The following SNTG1 variants were observed in gnomAD, a reference collection of about 807,000 sequenced individuals.
The protein encoded by SNTG1 is gamma-1-syntrophin.
A neutral mutation model predicts 74.7 loss-of-function variants in SNTG1; 39 were observed. That is an observed-to-expected ratio of 0.52 (90% confidence interval 0.40 to 0.68). The LOEUF (loss-of-function observed/expected upper bound fraction) is 0.68, where lower values mean the gene tolerates loss of function less well. Ranked by LOEUF, SNTG1 falls within the 30% of genes least tolerant of loss-of-function variation. The pLI is 0.00. For synonymous variants in SNTG1, 254 were observed against 217.1 expected (o/e 1.17, Z -1.49); for missense variants, 685 against 609.5 (o/e 1.12, Z -1.30).
chr8:49,962,307 TG>T (rs971391806), intron 1 of SNTG1, among the ~76,000 whole-genome samples: 1 of 149,562 alleles, frequency 6.7e-6, no homozygotes, highest in Non-Finnish European at 1.5e-5. Context: ...GGTTCTTTTT[TG>T]GGGGGCGGGT....
At chr8:49,932,566 G>A (rs772629310) in intron 1 of SNTG1, among the ~76,000 whole-genome samples, 22 of 151,284 alleles carry the variant, frequency 1.5e-4, no homozygotes, top group Non-Finnish European at 2.5e-4. Flanking sequence ...TAGTCAGAAC[G>A]TATTTAATGA....
chr8:50,203,349 C>T (rs1447054614), intron 2 of SNTG1, among the ~76,000 whole-genome samples: 1 of 152,160 alleles, frequency 6.6e-6, no homozygotes, highest in Non-Finnish European at 1.5e-5. Context: ...CCAGGTAAGA[C>T]AATCTCAGCT....
intron 2 of SNTG1, among the ~76,000 whole-genome samples, chr8:50,388,416 C>T (rs1447945409): frequency 6.6e-6 from 1 of 152,088 alleles, no homozygotes; most frequent in Non-Finnish European, 1.5e-5. Flanking sequence ...CTTGTTAATA[C>T]TGGAAATAGA....
chr8:50,475,558 A>G (rs555565491), intron 8 of SNTG1, among the ~76,000 whole-genome samples: 4 of 152,280 alleles, frequency 2.6e-5, no homozygotes, highest in East Asian at 1.9e-4. Flanking sequence ...TTCGCATGCT[A>G]TAGTAGATCC....
chr8:50,753,599 G>C (rs146837146), intron 18 of SNTG1, among the ~76,000 whole-genome samples: 165 of 151,976 alleles, frequency 1.1e-3, no homozygotes, highest in African/African-American at 3.8e-3. Flanking sequence ...ATTTAGTGTA[G>C]CGTGTATTAT....
intron 1 of SNTG1, among the ~76,000 whole-genome samples, chr8:49,957,774 C>T (rs925754953): frequency 4.6e-4 from 70 of 152,108 alleles, no homozygotes; most frequent in African/African-American, 1.6e-3. Context: ...AAGCAGACTG[C>T]ACAACATGGG....
chr8:50,154,112 C>A (rs2082171365), intron 1 of SNTG1, among the ~76,000 whole-genome samples: 2 of 152,128 alleles, frequency 1.3e-5, no homozygotes, highest in Non-Finnish European at 2.9e-5. Flanking sequence ...GTGGGCACCC[C>A]TCCCCCAGCC....
At chr8:50,086,037 GA>G (rs58263106) in intron 1 of SNTG1, among the ~76,000 whole-genome samples, 11,467 of 147,066 alleles carry the variant, frequency 0.078, 1,379 homozygotes, top group African/African-American at 0.26. Flanking sequence ...CTGAGAGAAA[GA>G]AAAAAAAAAG....
At chr8:50,483,814 G>T (rs1285639828) in intron 8 of SNTG1, among the ~76,000 whole-genome samples, 2 of 152,094 alleles carry the variant, frequency 1.3e-5, no homozygotes, top group Non-Finnish European at 2.9e-5. Context: ...TTCAGATCTT[G>T]ATAATTCTTT....
chr8:50,692,150 C>T (rs185727989), intron 15 of SNTG1, among the ~76,000 whole-genome samples: 3 of 152,240 alleles, frequency 2.0e-5, no homozygotes, highest in African/African-American at 7.2e-5. Flanking sequence ...ATCCATTTGT[C>T]TAATTTTTTT....
chr8:49,999,368 G>A (rs1211073771), intron 1 of SNTG1, among the ~76,000 whole-genome samples: 1 of 152,102 alleles, frequency 6.6e-6, no homozygotes, highest in African/African-American at 2.4e-5. Flanking sequence ...AGCAGCCTGG[G>A]TGAGTACGGT....
rs531135585 is a variant in SNTG1, at chr8:49,917,271, T to A, written c.-103+5040T>A. ...TGGTCCTATTGGTAAATCATTATTA[T>A]GTCCATGAGAAAATAAACAATGTCT... On this transcript the variant is annotated intron_variant, in intron 1 of 18. Transcript: ENST00000642720. Among the ~76,000 whole-genome samples the A allele has an allele frequency of 1.1e-4, 16 of 152,304 alleles. No homozygotes were observed. In the South Asian group the frequency reaches 3.3e-3, roughly 32 times the overall value.
intron 9 of SNTG1, among the ~76,000 whole-genome samples, chr8:50,509,590 A>C (rs906320082): frequency 3.8e-4 from 58 of 151,912 alleles, no homozygotes; most frequent in African/African-American, 1.2e-3. Context: ...CTTGTATTTC[A>C]TTGAGCAGTG....
At chr8:50,426,091 G>C (rs2093160305) in intron 4 of SNTG1, among the ~76,000 whole-genome samples, 1 of 152,120 alleles carries the variant, frequency 6.6e-6, no homozygotes, top group Non-Finnish European at 1.5e-5. Context: ...ATCTTACATA[G>C]TATGGTAAGT....
intron 13 of SNTG1, among the ~76,000 whole-genome samples, chr8:50,599,359 C>T (rs1438307917): frequency 6.6e-6 from 1 of 151,850 alleles, no homozygotes; most frequent in African/African-American, 2.4e-5. Context: ...TTTTGTGGTT[C>T]CAAATAAATT....
chr8:50,403,923 T>G (rs528859241), intron 4 of SNTG1, among the ~76,000 whole-genome samples: 2 of 152,258 alleles, frequency 1.3e-5, no homozygotes, highest in African/African-American at 4.8e-5. Flanking sequence ...TGCTTAATAA[T>G]CAATGTTGTT....
intron 2 of SNTG1, among the ~76,000 whole-genome samples, chr8:50,240,829 T>C (rs2086133044): frequency 6.6e-6 from 1 of 152,240 alleles, no homozygotes; most frequent in Admixed American, 6.5e-5. Context: ...ATAATTTTGA[T>C]TTACCAGTTT....
chr8:50,540,251 T>TA, intron 11 of SNTG1, among the ~76,000 whole-genome samples: 1 of 152,344 alleles, frequency 6.6e-6, no homozygotes, highest in African/African-American at 2.4e-5. Flanking sequence ...TATTTTTTGT[T>TA]ATAATTACTT....
chr8:50,521,477 T>A (rs1021932097), intron 9 of SNTG1, among the ~76,000 whole-genome samples: 2 of 152,136 alleles, frequency 1.3e-5, no homozygotes, highest in Admixed American at 1.3e-4. Context: ...GATTTGCAGC[T>A]TTTTTGTTAG....
Sources: allele counts gnomAD v4.1 joint callset (sites outside exome capture counted in the v4.1 genomes callset), GRCh38; gene constraint gnomAD v4.1.1; transcripts MANE v1.5; gene names NCBI Gene and HGNC (gene_info 2026-07-23, HGNC 2026-07-21).